The following CHSY1 variants were observed in gnomAD, a reference collection of about 807,000 sequenced individuals.
CHSY1 encodes N-acetylgalactosaminyl-proteoglycan 3-beta-glucuronosyltransferase 1.
Under a neutral mutation model 59.8 loss-of-function variants are expected in CHSY1, and 13 were observed. The ratio of observed to expected loss-of-function variants is 0.22; its 90% confidence interval spans 0.14 to 0.35. CHSY1 has a LOEUF of 0.35. CHSY1 is among the 10% of genes least tolerant of loss of function. CHSY1 has a pLI of 1.00. For synonymous variants in CHSY1, 459 were observed against 401.2 expected, an observed-to-expected ratio of 1.14 and a Z score of -1.72; for missense variants, 947 against 1,030.6, an observed-to-expected ratio of 0.92 and a Z score of 1.11.
rs150645748 is a variant in CHSY1, at chr15:101,195,836, A to C, written c.817-16856T>G. ...AGACTCCGTCTCAAAAAAAAAAAAA[A>C]AAAACCCTGTCTCCAGGGAGGAGGT... On this transcript the variant is annotated intron_variant, in intron 2 of 2. Transcript: ENST00000254190. 8.6e-3 allele frequency among the ~76,000 whole-genome samples: 1,300 copies of C among 151,962 alleles called. 23 individuals are homozygous for C. Among genetic ancestry groups the C allele is most frequent in the African/African-American group, 0.03 (1,241 of 41,390 alleles).
chr15:101,195,909 G>A (rs2038501173), intron 2 of CHSY1, among the ~76,000 whole-genome samples: 1 of 151,294 alleles, frequency 6.6e-6, no homozygotes, highest in Non-Finnish European at 1.5e-5. Flanking sequence ...GATACATAGT[G>A]TCGACACCCC....
chr15:101,186,026 C>T (rs955274913), intron 2 of CHSY1, among the ~76,000 whole-genome samples: 2 of 151,234 alleles, frequency 1.3e-5, no homozygotes, highest in African/African-American at 4.9e-5. Context: ...CTGCATTCAA[C>T]AGGAAATTGT....
chr15:101,245,137 C>T (rs999095739), intron 1 of CHSY1, among the ~76,000 whole-genome samples: 3 of 152,238 alleles, frequency 2.0e-5, no homozygotes, highest in Non-Finnish European at 4.4e-5. Context: ...GGCTACTGTC[C>T]TGCCGAAATG....
chr15:101,187,702 TAAAA>T (rs1159292077), intron 2 of CHSY1: 1 of 152,086 alleles, frequency 6.6e-6, no homozygotes, highest in Non-Finnish European at 1.5e-5. Context: ...ATTCCTTGCT[TAAAA>T]AAAACTCAGC....
intron 2 of CHSY1, among the ~76,000 whole-genome samples, chr15:101,182,042 G>GT (rs2141239598): frequency 6.6e-6 from 1 of 152,314 alleles, no homozygotes; most frequent in South Asian, 2.1e-4. Context: ...TATTAATACT[G>GT]TGAGTTTACA....
chr15:101,239,059 A>G (rs1320223240), intron 1 of CHSY1, among the ~76,000 whole-genome samples: 2 of 152,210 alleles, frequency 1.3e-5, no homozygotes, highest in Non-Finnish European at 2.9e-5. Context: ...TTATAGTGCA[A>G]TGACCCCCCA....
intron 2 of CHSY1, among the ~76,000 whole-genome samples, chr15:101,205,723 G>A (rs1472158411): frequency 1.3e-5 from 2 of 152,138 alleles, no homozygotes; most frequent in African/African-American, 4.8e-5. Flanking sequence ...AGGCTGAGGT[G>A]GGTGGATCAC....
At chr15:101,239,396 G>A (rs746470169) in intron 1 of CHSY1, among the ~76,000 whole-genome samples, 10 of 152,220 alleles carry the variant, frequency 6.6e-5, no homozygotes, top group Non-Finnish European at 1.3e-4. Context: ...AACCAACTAA[G>A]GAGGCGAATC....
intron 2 of CHSY1, among the ~76,000 whole-genome samples, chr15:101,197,900 T>C (rs538508189): frequency 6.6e-6 from 1 of 152,248 alleles, no homozygotes; most frequent in East Asian, 1.9e-4. Flanking sequence ...TTGGACGCCT[T>C]ATATCTGAAA....
chr15:101,250,050 A>G (rs747105877), intron 1 of CHSY1, among the ~76,000 whole-genome samples: 2 of 152,202 alleles, frequency 1.3e-5, no homozygotes, highest in Non-Finnish European at 2.9e-5. Flanking sequence ...CACAACATCT[A>G]GTGCCTGAAA....
chr15:101,192,076 A>C (rs1202084758), intron 2 of CHSY1, among the ~76,000 whole-genome samples: 1 of 152,234 alleles, frequency 6.6e-6, no homozygotes, highest in East Asian at 1.9e-4. Context: ...AAGAAGAGAG[A>C]AATATTTTTA....
At chr15:101,239,333 G>C (rs114918728) in intron 1 of CHSY1, among the ~76,000 whole-genome samples, 1 of 152,192 alleles carries the variant, frequency 6.6e-6, no homozygotes, top group African/African-American at 2.4e-5. Context: ...CTAAAACACT[G>C]TAATGTTATT....
chr15:101,235,397 A>G lies in CHSY1; in HGVS notation c.501T>C (p.Phe167=), dbSNP rs756501308. 2.5e-6 allele frequency: 4 copies of G among 1,614,106 alleles called. No homozygotes were observed. The South Asian group carries it at 4.4e-5, about 18-fold the overall frequency. ...HDHYLDKYEW[F]MRADDDVYIK... ...TGTACACGTCATCATCTGCTCTCAT[A>G]AACCATTCATACTTGTCCAAGTAGT... is the stretch of plus-strand genomic sequence containing the variant. Residue 167 remains phenylalanine (F), a synonymous_variant, in exon 2 of 3, where the codon TTT becomes TTC. Coordinates refer to ENST00000254190, the MANE Select transcript of CHSY1 (RefSeq NM_014918.5).
intron 1 of CHSY1, among the ~76,000 whole-genome samples, chr15:101,241,608 G>A (rs577946864): frequency 6.6e-6 from 1 of 152,024 alleles, no homozygotes; most frequent in South Asian, 2.1e-4. Context: ...CGTTTCAATT[G>A]TGATTTTTAA....
chr15:101,215,486 G>A (rs1596445130), intron 2 of CHSY1, among the ~76,000 whole-genome samples: 1 of 152,188 alleles, frequency 6.6e-6, no homozygotes, highest in African/African-American at 2.4e-5. Flanking sequence ...TGTAATCCCA[G>A]CATCTGAGGA....
Position 101,235,541 on chromosome 15 carries a change from G to A in CHSY1, c.357C>T (p.Phe119=). Residue 119 remains phenylalanine (F), a synonymous_variant, in exon 2 of 3, where the codon TTC becomes TTT. Transcript: ENST00000254190. The part of the protein sequence containing the change: ...WSKTIPGKVQ[F]FSSEGSDTSV... ...ATGTGTCAGAACCCTCACTTGAGAA[G>A]AACTGAACTTTCCCAGGAATTGTCT... 2 of 1,612,778 alleles carry A rather than the reference G, an allele frequency of 1.2e-6. No homozygotes were observed. Among genetic ancestry groups the A allele is most frequent in the South Asian group, 1.1e-5 (1 of 91,082 alleles).
At chr15:101,243,842 G>GCCTCTAAATTGTGCC (rs1567109438) in intron 1 of CHSY1, among the ~76,000 whole-genome samples, 1 of 152,080 alleles carries the variant, frequency 6.6e-6, no homozygotes, top group African/African-American at 2.4e-5. Flanking sequence ...ATCCGTGTGC[G>GCCTCTAAATTGTGCC]CCTCTAAATT....
chr15:101,185,464 G>A (rs1210566123), intron 2 of CHSY1, among the ~76,000 whole-genome samples: 1 of 140,992 alleles, frequency 7.1e-6, no homozygotes. Flanking sequence ...TCTCCATGGA[G>A]CACCCTCCAT....
At chr15:101,210,632 C>G (rs1411093780) in intron 2 of CHSY1, among the ~76,000 whole-genome samples, 2 of 152,058 alleles carry the variant, frequency 1.3e-5, no homozygotes, top group African/African-American at 4.8e-5. Context: ...AGAAATAGAC[C>G]AAGTCTTAGA....
Sources: allele counts gnomAD v4.1 joint callset (sites outside exome capture counted in the v4.1 genomes callset), GRCh38; gene constraint gnomAD v4.1.1; transcripts MANE v1.5; gene names NCBI Gene and HGNC (gene_info 2026-07-23, HGNC 2026-07-21).